Variants in BGN observed in about 807,000 individuals in gnomAD.
The protein encoded by BGN is bone/cartilage proteoglycan-I.
A neutral mutation model predicts 20.0 loss-of-function variants in BGN; 6 were observed. That is an observed-to-expected ratio of 0.30 (90% CI 0.16 to 0.59). The LOEUF (loss-of-function observed/expected upper bound fraction) is 0.59. BGN is among the 20% of genes least tolerant of loss of function. The pLI is 0.88. For synonymous variants in BGN, 146 were observed against 134.6 expected, an observed-to-expected ratio of 1.08 and a Z score of -0.59; for missense variants, 292 against 312.1, an observed-to-expected ratio of 0.94 and a Z score of 0.49.
At chrX:153,498,012 A>G (rs1298456181) in intron 1 of BGN, among the ~76,000 whole-genome samples, 1 of 112,584 alleles carries the variant, frequency 8.9e-6, no homozygotes, top group Non-Finnish European at 1.9e-5. Flanking sequence ...CCACCTGCGC[A>G]GCTCTGATCC....
chrX:153,507,246 C>G, intron 7 of BGN, 61 bp downstream of exon 7: 4 of 1,132,789 alleles, frequency 3.5e-6, no homozygotes, highest in Non-Finnish European at 4.7e-6. Flanking sequence ...GCGTGTGTGT[C>G]CCCGGGCAGT....
intron 1 of BGN, among the ~76,000 whole-genome samples, chrX:153,498,227 C>T (rs1177289902): frequency 2.7e-5 from 3 of 112,971 alleles, no homozygotes; most frequent in Non-Finnish European, 5.6e-5. Context: ...ACCAGGGGCC[C>T]AACGGACTCT....
chrX:153,504,897 G>T (rs1192413997), intron 2 of BGN, 28 bp downstream of exon 2: 1 of 1,162,110 alleles, frequency 8.6e-7, no homozygotes, highest in Non-Finnish European at 1.2e-6. Flanking sequence ...GGGGAGCGGG[G>T]CATGCAGGGA....
chrX:153,503,152 C>T (rs931688459), intron 1 of BGN, among the ~76,000 whole-genome samples: 1 of 112,823 alleles, frequency 8.9e-6, no homozygotes, highest in African/African-American at 3.2e-5. Context: ...GCGGCAGCCC[C>T]GGGCAGCCAG....
chrX:153,506,442 G>C, intron 4 of BGN, 87 bp from the exon 5 acceptor site: 1 of 854,269 alleles, frequency 1.2e-6, no homozygotes, highest in Non-Finnish European at 1.7e-6. Flanking sequence ...GCAGGTAGCA[G>C]GGCCCACCAC....
chrX:153,503,185 G>T (rs782794498), intron 1 of BGN, among the ~76,000 whole-genome samples: 1 of 112,994 alleles, frequency 8.9e-6, no homozygotes, highest in South Asian at 3.6e-4. Context: ...GGCAACTGGG[G>T]AAGCATCGGG....
intron 4 of BGN, among the ~76,000 whole-genome samples, 161 bp from the exon 5 acceptor site, chrX:153,506,368 A>G (rs1195455530): frequency 1.8e-5 from 2 of 111,821 alleles, no homozygotes; most frequent in Non-Finnish European, 3.8e-5. Flanking sequence ...AGTCCTGAAC[A>G]GCTAGGAGTT....
At chrX:153,507,211 G>A in intron 7 of BGN, 26 bp downstream of exon 7, 1 of 1,178,171 alleles carries the variant, frequency 8.5e-7, no homozygotes, top group Non-Finnish European at 1.1e-6. Flanking sequence ...GCACAGCCAG[G>A]TTCCCTAAGG....
At chrX:153,505,193 C>G (rs782427577) in intron 2 of BGN, 45 bp from the exon 3 acceptor site, 5 of 1,088,837 alleles carry the variant, frequency 4.6e-6, no homozygotes, top group Non-Finnish European at 6.3e-6. Context: ...GGGGTGGGGC[C>G]CCTAGGTCTC....
chrX:153,503,290 G>A (rs2089774171), intron 1 of BGN, among the ~76,000 whole-genome samples: 2 of 112,323 alleles, frequency 1.8e-5, no homozygotes, highest in Admixed American at 9.3e-5. Flanking sequence ...CTGGGCTTAG[G>A]GGGCTCACCT....
chrX:153,500,793 G>A (rs2089752903), intron 1 of BGN, among the ~76,000 whole-genome samples: 1 of 110,985 alleles, frequency 9.0e-6, no homozygotes, highest in Non-Finnish European at 1.9e-5. Flanking sequence ...GTGTGTGCAT[G>A]TGTGTATGTG....
intron 2 of BGN, 52 bp downstream of exon 2, chrX:153,504,921 C>A: frequency 9.2e-7 from 1 of 1,085,080 alleles, no homozygotes; most frequent in Non-Finnish European, 1.2e-6. Context: ...TCAGGTGCAG[C>A]CTGAGAGCCC....
chrX:153,498,599 G>A (rs1166492399), intron 1 of BGN, among the ~76,000 whole-genome samples: 3 of 112,699 alleles, frequency 2.7e-5, no homozygotes, highest in African/African-American at 6.4e-5. Context: ...GGCAGAGAGC[G>A]GGTTGCGGCA....
At position 153,506,058 on chromosome X, in the gene BGN, C is replaced by T. The variant is rs782415562; in HGVS notation, c.547C>T (p.Arg183Trp). ...GCCCAAGGGAGTGTTCAGCGGGCTC[C>T]GGAACATGAACTGCATCGGTGAGCT... ...KVPKGVFSGLRNMNCIEMGGN... is the reference protein window; with the variant it reads ...KVPKGVFSGLWNMNCIEMGGN... The change falls in exon 4 of 8, where the codon CGG (arginine) becomes TGG (tryptophan). Residue 183 changes from arginine to tryptophan, a missense_variant. Coordinates refer to ENST00000331595, the MANE Select transcript of BGN (RefSeq NM_001711.6). 9.1e-6 allele frequency: 11 copies of T among 1,209,625 alleles called. No individual in the cohort carries two copies. Among genetic ancestry groups the T allele is most frequent in the South Asian group, 5.3e-5 (3 of 56,799 alleles).
Position 153,508,908 on chromosome X carries a change from C to A in BGN, c.*463C>A, listed in dbSNP as rs782516642. On this transcript the variant is annotated 3_prime_UTR_variant, in exon 8 of 8. Transcript: ENST00000331595. ...CCTCATGCATTTCCAGCCTTTCAACCCTCCCCGACTCTGCGGCTCCCCTCA... is the reference window on the plus strand; with the variant it reads ...CCTCATGCATTTCCAGCCTTTCAACACTCCCCGACTCTGCGGCTCCCCTCA... The A allele has an allele frequency of 8.9e-5, 13 of 145,815 alleles. No homozygotes were observed. The highest frequency in any genetic ancestry group is 9.2e-5 in the Non-Finnish European group (7 of 76,409). The allele number at this position is 145,815 out of a possible 1,213,427, so 12.0% of individuals were successfully genotyped here.
At chrX:153,501,428 C>T (rs1391693489) in intron 1 of BGN, among the ~76,000 whole-genome samples, 1 of 112,824 alleles carries the variant, frequency 8.9e-6, no homozygotes, top group Non-Finnish European at 1.9e-5. Context: ...TCAGGCGGGG[C>T]CTGGAGGCGC....
intron 1 of BGN, among the ~76,000 whole-genome samples, chrX:153,496,948 G>GCCCCCCCCCCCCCCCC (rs782676136): frequency 1.7e-5 from 1 of 57,196 alleles, no homozygotes. Context: ...TGCTTCCCGG[G>GCCCCCCCCCCCCCCCC]CCCACCCCCC....
intron 1 of BGN, among the ~76,000 whole-genome samples, chrX:153,502,133 A>G (rs1405338306): frequency 8.9e-6 from 1 of 112,337 alleles, no homozygotes; most frequent in African/African-American, 3.2e-5. Context: ...GTCCTCCTCC[A>G]GGCCAATGCG....
intron 1 of BGN, among the ~76,000 whole-genome samples, chrX:153,504,198 T>C (rs145621657): frequency 0.013 from 1,461 of 112,218 alleles, 17 homozygotes; most frequent in East Asian, 0.084. Flanking sequence ...AAGTGAATTC[T>C]TCAAAGCCCT....
Sources: gnomAD v4.1 joint callset for allele counts (sites outside exome capture counted in the v4.1 genomes callset) on GRCh38, gnomAD v4.1.1 for gene constraint, MANE v1.5 for transcripts, NCBI Gene and HGNC (gene_info 2026-07-23, HGNC 2026-07-21) for gene names.